The following SLC25A13 variants were observed in gnomAD, a reference collection of about 807,000 sequenced individuals.
SLC25A13 encodes electrogenic aspartate/glutamate antiporter SLC25A13, mitochondrial.
A neutral mutation model predicts 85.5 loss-of-function variants in SLC25A13; 70 were observed. The ratio of observed to expected loss-of-function variants is 0.82; its 90% confidence interval spans 0.68 to 1.00. SLC25A13 has a LOEUF of 1.00. Ranked by LOEUF, SLC25A13 falls within the 50% of genes least tolerant of loss-of-function variation. The probability of loss-of-function intolerance (pLI) is 0.00; values close to 1 mark genes in which losing one functional copy is unlikely to be tolerated. For missense variants in SLC25A13, 765 were observed against 819.8 expected (o/e 0.93, Z 0.82); for synonymous variants, 259 against 288.7 (o/e 0.90, Z 1.04).
At chr7:96,206,559 A>G (rs928530185) in intron 5 of SLC25A13, among the ~76,000 whole-genome samples, 10 of 152,206 alleles carry the variant, frequency 6.6e-5, no homozygotes, top group East Asian at 1.9e-4. Flanking sequence ...ATTAATTCCT[A>G]TAAGTCCGGA....
chr7:96,176,612 C>T (rs1039109787), intron 11 of SLC25A13, among the ~76,000 whole-genome samples: 1 of 152,142 alleles, frequency 6.6e-6, no homozygotes, highest in African/African-American at 2.4e-5. Flanking sequence ...TTGCGCAAAC[C>T]AAGGAGCTGA....
chr7:96,228,412 G>A (rs1036398269), intron 4 of SLC25A13, among the ~76,000 whole-genome samples: 3 of 152,138 alleles, frequency 2.0e-5, no homozygotes, highest in African/African-American at 7.2e-5. Flanking sequence ...TTAGGAATCA[G>A]GGAAATAAAT....
chr7:96,206,121 T>A (rs1217153134), intron 5 of SLC25A13, among the ~76,000 whole-genome samples: 1 of 152,150 alleles, frequency 6.6e-6, no homozygotes, highest in East Asian at 1.9e-4. Flanking sequence ...TTCCCTGAAA[T>A]CACAAGCACT....
chr7:96,229,544 T>C (rs1198190690), intron 4 of SLC25A13, among the ~76,000 whole-genome samples: 1 of 152,090 alleles, frequency 6.6e-6, no homozygotes, highest in Non-Finnish European at 1.5e-5. Flanking sequence ...CTCTTCACAA[T>C]AAATCTTGCT....
chr7:96,148,988 T>C (rs1792914323), intron 13 of SLC25A13, among the ~76,000 whole-genome samples: 1 of 152,230 alleles, frequency 6.6e-6, no homozygotes, highest in South Asian at 2.1e-4. Flanking sequence ...GATGTTTTCC[T>C]CCATAGATGC....
intron 5 of SLC25A13, among the ~76,000 whole-genome samples, chr7:96,193,492 T>C (rs1794941261): frequency 1.3e-5 from 2 of 152,132 alleles, no homozygotes. Context: ...GTGTTGTAGG[T>C]TCAAAGATCT....
intron 5 of SLC25A13, among the ~76,000 whole-genome samples, chr7:96,207,809 C>G (rs556292022): frequency 1.3e-5 from 2 of 152,106 alleles, no homozygotes; most frequent in South Asian, 2.1e-4. Flanking sequence ...AAGGGGGTCA[C>G]GAGAGAAGGG....
At chr7:96,261,741 T>C (rs940499570) in intron 3 of SLC25A13, among the ~76,000 whole-genome samples, 4 of 152,216 alleles carry the variant, frequency 2.6e-5, no homozygotes, top group Non-Finnish European at 5.9e-5. Flanking sequence ...AGAACAGAAT[T>C]ACCTGAGACT....
chr7:96,281,504 C>G (rs1798678173), intron 2 of SLC25A13, among the ~76,000 whole-genome samples: 2 of 151,886 alleles, frequency 1.3e-5, no homozygotes, highest in African/African-American at 4.8e-5. Flanking sequence ...TCCATTCACG[C>G]AAAGTGAAAT....
chr7:96,201,709 A>G (rs1437157806), intron 5 of SLC25A13, among the ~76,000 whole-genome samples: 1 of 152,074 alleles, frequency 6.6e-6, no homozygotes, highest in Non-Finnish European at 1.5e-5. Flanking sequence ...TTATGAACAC[A>G]TGAAATCGCT....
intron 10 of SLC25A13, among the ~76,000 whole-genome samples, chr7:96,184,726 T>C (rs1794558322): frequency 6.6e-6 from 1 of 152,204 alleles, no homozygotes; most frequent in South Asian, 2.1e-4. Flanking sequence ...TAGAGGAAAA[T>C]GCCACTTGTA....
intron 4 of SLC25A13, among the ~76,000 whole-genome samples, chr7:96,225,442 C>T (rs1219189776): frequency 1.3e-5 from 2 of 151,492 alleles, no homozygotes; most frequent in Non-Finnish European, 2.9e-5. Flanking sequence ...CTACTCAGGA[C>T]GCTAAGGTGG....
intron 3 of SLC25A13, among the ~76,000 whole-genome samples, chr7:96,260,493 C>T (rs2116893222): frequency 6.6e-6 from 1 of 152,250 alleles, no homozygotes; most frequent in South Asian, 2.1e-4. Context: ...TACAACAGCA[C>T]CAACTCCTTA....
intron 4 of SLC25A13, among the ~76,000 whole-genome samples, chr7:96,223,606 C>T (rs544564397): frequency 1.4e-4 from 21 of 152,026 alleles, no homozygotes; most frequent in African/African-American, 4.1e-4. Flanking sequence ...TGGGCAACAA[C>T]GGTGAAACCC....
chr7:96,260,749 T>TA (rs1351001639), intron 3 of SLC25A13, among the ~76,000 whole-genome samples: 2 of 152,112 alleles, frequency 1.3e-5, no homozygotes, highest in Non-Finnish European at 2.9e-5. Context: ...AACCACTTCT[T>TA]ACCATTCAAC....
chr7:96,131,645 G>T, intron 15 of SLC25A13, 98 bp downstream of exon 15: 1 of 1,537,212 alleles, frequency 6.5e-7, no homozygotes, highest in Non-Finnish European at 9.0e-7. Context: ...ACCCTGTCAA[G>T]AACTATCAGC....
intron 15 of SLC25A13, among the ~76,000 whole-genome samples, chr7:96,125,648 T>G (rs1791693407): frequency 6.6e-6 from 1 of 152,100 alleles, no homozygotes; most frequent in Admixed American, 6.6e-5. Flanking sequence ...CCTAGGGAAC[T>G]CCTATGAAAC....
chr7:96,128,945 T>A (rs866800863), intron 15 of SLC25A13, among the ~76,000 whole-genome samples: 1 of 136,326 alleles, frequency 7.3e-6, no homozygotes, highest in African/African-American at 2.9e-5. Flanking sequence ...GCTTGCTCTC[T>A]CTCTCTCTCT....
At chr7:96,276,439 C>T (rs897703849) in intron 3 of SLC25A13, among the ~76,000 whole-genome samples, 29 of 152,022 alleles carry the variant, frequency 1.9e-4, no homozygotes, top group African/African-American at 6.0e-4. Flanking sequence ...CTGGGCAATA[C>T]GGCAAAATCC....
Sources: gnomAD v4.1 joint callset for allele counts (sites outside exome capture counted in the v4.1 genomes callset) on GRCh38, gnomAD v4.1.1 for gene constraint, MANE v1.5 for transcripts, NCBI Gene and HGNC (gene_info 2026-07-23, HGNC 2026-07-21) for gene names.